CAPRIN1: variants seen among roughly 807,000 people sequenced by gnomAD.
The protein encoded by CAPRIN1 is cell cycle associated protein 1, also known as caprin-1.
CAPRIN1 carries 29 observed loss-of-function variants against 100.9 expected under a neutral mutation model. The observed-to-expected ratio is 0.29, with a 90% CI of 0.21 to 0.39. The LOEUF is 0.39. Among genes scored for constraint, CAPRIN1 ranks in the 10% least tolerant of loss-of-function variants. CAPRIN1 has a pLI of 1.00. For synonymous variants in CAPRIN1, 338 were observed against 307.5 expected, an observed-to-expected ratio of 1.10 and a Z score of -1.04; for missense variants, 795 against 876.7, an observed-to-expected ratio of 0.91 and a Z score of 1.18.
intron 1 of CAPRIN1, 31 bp downstream of exon 1, chr11:34,051,902 G>A (rs565892244): frequency 4.1e-4 from 62 of 152,332 alleles, no homozygotes; most frequent in African/African-American, 1.4e-3. Flanking sequence ...AGCCGCTGCA[G>A]GGGAAGAGGG....
chr11:34,087,122 A>G (rs772545641), intron 11 of CAPRIN1, among the ~76,000 whole-genome samples: 39 of 152,304 alleles, frequency 2.6e-4, no homozygotes, highest in South Asian at 4.1e-4. Context: ...CTCCAGGACT[A>G]TTAGTGATTG....
intron 15 of CAPRIN1, 28 bp from the exon 16 acceptor site, chr11:34,096,445 TTATGTA>T: frequency 6.5e-7 from 1 of 1,529,382 alleles, no homozygotes; most frequent in South Asian, 1.1e-5. Flanking sequence ...AATGAGCTGT[TTATGTA>T]TATATCTTTT....
intron 2 of CAPRIN1, among the ~76,000 whole-genome samples, chr11:34,057,695 T>C (rs568610805): frequency 2.6e-5 from 4 of 152,192 alleles, no homozygotes; most frequent in Non-Finnish European, 5.9e-5. Flanking sequence ...TACACTGTTA[T>C]AAAATTTAGA....
chr11:34,093,983 A>G (rs1476802287), intron 15 of CAPRIN1, among the ~76,000 whole-genome samples: 2 of 151,876 alleles, frequency 1.3e-5, no homozygotes, highest in Admixed American at 6.6e-5. Flanking sequence ...AAAAAAGTTC[A>G]TTTGTTTATT....
At chr11:34,059,612 A>G (rs1850531320) in intron 2 of CAPRIN1, among the ~76,000 whole-genome samples, 1 of 152,200 alleles carries the variant, frequency 6.6e-6, no homozygotes, top group African/African-American at 2.4e-5. Flanking sequence ...GTGGGCAGAG[A>G]CTATTAACAT....
Position 34,072,048 on chromosome 11 carries a change from C to T in CAPRIN1, c.366+61C>T, listed in dbSNP as rs188336944. 2.7e-3 allele frequency: 2,908 copies of T among 1,069,326 alleles called. 7 individuals are homozygous for T. Among genetic ancestry groups the T allele is most frequent in the Middle Eastern group, 3.4e-3 (12 of 3,516 alleles). The allele number at this position is 1,069,326 out of a possible 1,614,324, so 66.2% of individuals were successfully genotyped here. A position where few individuals can be genotyped will look rare whatever the true frequency, so the allele number is the denominator to read the frequency against. On this transcript the variant is annotated intron_variant, in intron 4 of 18. Transcript: ENST00000341394. ...TTTTGTTGTTTCTTTGGGTTTTAGT[C>T]CTTCCATTACTATTGATAAGCTCTC...
chr11:34,082,764 A>G, intron 7 of CAPRIN1, 61 bp from the exon 8 acceptor site: 1 of 1,169,226 alleles, frequency 8.6e-7, no homozygotes, highest in South Asian at 1.3e-5. Flanking sequence ...TATCACACAG[A>G]GTAGAGTAGT....
At chr11:34,057,600 C>A (rs1437344728) in intron 2 of CAPRIN1, among the ~76,000 whole-genome samples, 2 of 152,146 alleles carry the variant, frequency 1.3e-5, no homozygotes, top group Non-Finnish European at 2.9e-5. Flanking sequence ...GAAAAACTAA[C>A]ACTTTTCCTT....
intron 11 of CAPRIN1, 152 bp downstream of exon 11, chr11:34,086,565 C>T: frequency 1.8e-6 from 1 of 555,840 alleles, no homozygotes; most frequent in Non-Finnish European, 3.2e-6. Context: ...TGTTATTGTT[C>T]CTATGATTTG....
intron 6 of CAPRIN1, 121 bp from the exon 7 acceptor site, chr11:34,079,507 G>C (rs112059991): frequency 8.9e-6 from 5 of 559,132 alleles, no homozygotes; most frequent in Non-Finnish European, 1.5e-5. Context: ...ATCTTTTTAT[G>C]TGTATATGTG....
At chr11:34,082,450 A>T (rs952496679) in intron 7 of CAPRIN1, among the ~76,000 whole-genome samples, 1 of 152,094 alleles carries the variant, frequency 6.6e-6, no homozygotes, top group Non-Finnish European at 1.5e-5. Flanking sequence ...TGGCCTTCCA[A>T]AGTGCTGGGA....
chr11:34,078,560 C>T (rs1850949891), intron 6 of CAPRIN1, among the ~76,000 whole-genome samples: 1 of 151,990 alleles, frequency 6.6e-6, no homozygotes, highest in Admixed American at 6.6e-5. Context: ...ACTGAGTCCA[C>T]CCCTCTCCCT....
At chr11:34,081,924 G>C (rs939682097) in intron 7 of CAPRIN1, among the ~76,000 whole-genome samples, 2 of 152,098 alleles carry the variant, frequency 1.3e-5, no homozygotes, top group African/African-American at 2.4e-5. Flanking sequence ...CGATTCTCAT[G>C]CCTCAGCCTT....
At chr11:34,062,262 A>G (rs762781514) in intron 2 of CAPRIN1, among the ~76,000 whole-genome samples, 1 of 152,172 alleles carries the variant, frequency 6.6e-6, no homozygotes, top group Non-Finnish European at 1.5e-5. Context: ...GCAAAGTCAA[A>G]ACTCGTAATT....
chr11:34,073,388 C>T (rs1590731137), intron 4 of CAPRIN1, among the ~76,000 whole-genome samples: 1 of 152,166 alleles, frequency 6.6e-6, no homozygotes, highest in Non-Finnish European at 1.5e-5. Context: ...TAATAATAAC[C>T]TCATACGGTT....
intron 4 of CAPRIN1, among the ~76,000 whole-genome samples, chr11:34,073,079 A>C (rs999298534): frequency 1.3e-5 from 2 of 151,842 alleles, no homozygotes; most frequent in African/African-American, 4.8e-5. Context: ...ATTTCTCAGA[A>C]TGTATCCTTG....
At chr11:34,061,125 C>T (rs1320074885) in intron 2 of CAPRIN1, among the ~76,000 whole-genome samples, 4 of 150,332 alleles carry the variant, frequency 2.7e-5, no homozygotes, top group South Asian at 2.1e-4. Context: ...ATTGGACAAA[C>T]GGCTTGTGAA....
rs530457229 is a variant in CAPRIN1 at position 34,102,336 on chromosome 11, C to T, written c.*2969C>T. Among the ~76,000 whole-genome samples the T allele has an allele frequency of 2.6e-5, 4 of 152,264 alleles. No individual in the cohort carries two copies. The South Asian group carries it at 6.2e-4, about 24-fold the overall frequency. ...TGCAGATAAGTGCCGAATTCAAACC[C>T]TTCATTTTATGTTTAAGCTCCTGAA... On this transcript the variant is annotated 3_prime_UTR_variant, in exon 19 of 19. Coordinates refer to ENST00000341394, the MANE Select transcript of CAPRIN1 (RefSeq NM_005898.5).
rs1856455280 is a variant in CAPRIN1, at chr11:34,101,901, TTTG to T, written c.*2536_*2538del. 6.6e-6 allele frequency among the ~76,000 whole-genome samples: 1 copy of T among 152,184 alleles called. No individual in the cohort carries two copies. The highest frequency in any genetic ancestry group is 2.4e-5 in the African/African-American group (1 of 41,452). On this transcript the variant is annotated 3_prime_UTR_variant, in exon 19 of 19. Transcript: ENST00000341394. ...GTAGCAAGCTCACATACAAAATACT[TTTG>T]TATATGCATAATATAAATCATCTCA...
Sources: gnomAD v4.1 joint callset for allele counts (sites outside exome capture counted in the v4.1 genomes callset) on GRCh38, gnomAD v4.1.1 for gene constraint, MANE v1.5 for transcripts, NCBI Gene and HGNC (gene_info 2026-07-23, HGNC 2026-07-21) for gene names.